The following INPP5F variants were observed in gnomAD, a reference collection of about 807,000 sequenced individuals.
INPP5F encodes inositol polyphosphate-5-phosphatase F.
Under a neutral mutation model 137.2 loss-of-function variants are expected in INPP5F, and 97 were observed. The ratio of observed to expected loss-of-function variants is 0.71; its 90% CI spans 0.60 to 0.84. INPP5F has a LOEUF of 0.84. INPP5F is among the 40% of genes least tolerant of loss of function. The pLI is 0.00. For synonymous variants in INPP5F, 504 were observed against 476.9 expected, an observed-to-expected ratio of 1.06 and a Z score of -0.74; for missense variants, 1,271 against 1,371.9, an observed-to-expected ratio of 0.93 and a Z score of 1.16.
At chr10:119,797,675 A>G (rs1217881104) in intron 8 of INPP5F, 35 bp downstream of exon 8, 5 of 1,508,410 alleles carry the variant, frequency 3.3e-6, no homozygotes, top group Non-Finnish European at 4.5e-6. Flanking sequence ...GCAAATGATG[A>G]TTTCAGAGAG....
chr10:119,767,110 A>G (rs75177670), intron 2 of INPP5F, among the ~76,000 whole-genome samples: 5 of 134,658 alleles, frequency 3.7e-5, no homozygotes, highest in Admixed American at 7.3e-5. Flanking sequence ...GTCTCCAGAA[A>G]AAAAAAAAAA....
rs775019768 is a variant in INPP5F at position 119,807,987 on chromosome 10, G to T, written c.1496G>T (p.Arg499Leu). 1 of 1,613,788 alleles carries T rather than the reference G, an allele frequency of 6.2e-7. No homozygotes were observed. Among genetic ancestry groups the T allele is most frequent in the Non-Finnish European group, 8.5e-7 (1 of 1,179,898 alleles). Residue 499 changes from arginine to leucine, a missense_variant, in exon 13 of 20, where the codon CGC becomes CTC. By Grantham distance (102) the Arg-to-Leu change is moderately radical. Around this residue, in one of 6 missense-constraint regions of INPP5F, gnomAD observed 593 missense variants for 712.4 expected, o/e 0.83. Coordinates refer to ENST00000650623, the MANE Select transcript of INPP5F (RefSeq NM_014937.4). ...PEQPLPVKCNRIYQIMWANNG... is the reference protein window; with the variant it reads ...PEQPLPVKCNLIYQIMWANNG... Reference sequence around the variant, plus strand: ...CAGCCATTACCTGTGAAATGTAATCGCATCTACCAGATAATGTGGGCCAAT... The same window carrying T: ...CAGCCATTACCTGTGAAATGTAATCTCATCTACCAGATAATGTGGGCCAAT...
intron 2 of INPP5F, among the ~76,000 whole-genome samples, chr10:119,780,288 T>C (rs1443957084): frequency 2.0e-5 from 3 of 152,138 alleles, no homozygotes; most frequent in African/African-American, 7.2e-5. Flanking sequence ...ATAATATATT[T>C]TATTGGCTGG....
In INPP5F at chr10:119,828,968, A is replaced by G. The variant is rs1217939790; in HGVS notation, c.*1188A>G. 6.6e-6 allele frequency: 1 copy of G among 152,656 alleles called. No homozygotes were observed. The highest frequency in any genetic ancestry group is 1.5e-5 in the Non-Finnish European group (1 of 68,042). 9.5% of individuals were successfully genotyped at this position (152,656 alleles called of 1,614,324 possible). On this transcript the variant is annotated 3_prime_UTR_variant, in exon 20 of 20. Transcript: ENST00000650623. Reference sequence around the variant, plus strand: ...GAAAGTTGTATGGCATATTCCAACAAGTATTGGTTCGTCTGGTGTCTTTAG... The same window carrying G: ...GAAAGTTGTATGGCATATTCCAACAGGTATTGGTTCGTCTGGTGTCTTTAG...
In INPP5F at chr10:119,819,538, A is replaced by G. The variant is rs1226402396; in HGVS notation, c.1887-1308A>G. 4 of 1,601,090 alleles carry G rather than the reference A, an allele frequency of 2.5e-6. No homozygotes were observed. The Admixed American group carries it at 5.1e-5, about 20-fold the overall frequency. On this transcript the variant is annotated intron_variant, in intron 15 of 19. Transcript: ENST00000650623. ...GCTCAAGCAACAATTTTCAGAGTGC[A>G]CGTAAGTATCAACGCGTAAAACTTA...
rs149195784 is a variant in INPP5F at position 119,771,742 on chromosome 10, C to G, written c.179-9893C>G. On this transcript the variant is annotated intron_variant, in intron 2 of 19. Transcript: ENST00000650623. ...AGTATTACTTTTAACAAAGAGATTT[C>G]TTTTTGACAGTCTGATACAAAGTGA... is the stretch of plus-strand genomic sequence containing the variant. Among the ~76,000 whole-genome samples, 62 of 149,066 alleles carry G rather than the reference C, an allele frequency of 4.2e-4. No individual in the cohort carries two copies. The East Asian group carries it at 0.012, about 28-fold the overall frequency.
At chr10:119,819,252 A>AGGGGG (rs1669331515) in intron 15 of INPP5F, 1 of 44,184 alleles carries the variant, frequency 2.3e-5, no homozygotes, top group Non-Finnish European at 3.5e-5. Flanking sequence ...TTAAAGGGGA[A>AGGGGG]GGGTGGGTGG....
chr10:119,810,525 A>G (rs1481456404), intron 14 of INPP5F, among the ~76,000 whole-genome samples: 1 of 152,192 alleles, frequency 6.6e-6, no homozygotes, highest in Non-Finnish European at 1.5e-5. Context: ...TCAACAATTA[A>G]AAACTTCATA....
At chr10:119,768,951 A>G (rs958985946) in intron 2 of INPP5F, among the ~76,000 whole-genome samples, 1 of 152,232 alleles carries the variant, frequency 6.6e-6, no homozygotes, top group Admixed American at 6.5e-5. Context: ...AGTGCCAAGA[A>G]TGGTAACTGG....
chr10:119,777,048 G>C (rs968930592), intron 2 of INPP5F, among the ~76,000 whole-genome samples: 1 of 151,974 alleles, frequency 6.6e-6, no homozygotes, highest in Admixed American at 6.5e-5. Context: ...ACCGCACCTG[G>C]CCTCAGCTAA....
intron 1 of INPP5F, 92 bp downstream of exon 1, chr10:119,726,451 G>C (rs944271288): frequency 1.6e-6 from 1 of 641,838 alleles, no homozygotes; most frequent in African/African-American, 1.9e-5. Context: ...GGGAGGAGCC[G>C]CCTGCGGGCC....
intron 2 of INPP5F, among the ~76,000 whole-genome samples, chr10:119,770,152 A>G (rs561110621): frequency 5.3e-5 from 8 of 152,080 alleles, no homozygotes; most frequent in Admixed American, 1.3e-4. Context: ...CTTGCTGGGG[A>G]AGTCAGGTTT....
chr10:119,804,166 C>A lies in INPP5F; in HGVS notation c.1117-7C>A. On this transcript the variant is annotated splice_polypyrimidine_tract_variant and splice_region_variant and intron_variant, in intron 9 of 19. Coordinates refer to ENST00000650623, the MANE Select transcript of INPP5F (RefSeq NM_014937.4). ...ACTAAATTTTTTCTGTTTCTTTGCT[C>A]TTATAGGTTATTATTAACTTGGTAG... 6.3e-7 allele frequency: 1 copy of A among 1,596,938 alleles called. No homozygotes were observed. The highest frequency in any genetic ancestry group is 1.8e-5 in the Admixed American group (1 of 56,820).
rs1224645484 is a variant in INPP5F at position 119,726,149 on chromosome 10, G to A, written c.-114G>A. ...GGCGTTCCCTCTGCCGCTGCTTCTC[G>A]GCGCGGTTCCTACCCGGCCGCTCCC... On this transcript the variant is annotated 5_prime_UTR_variant, in exon 1 of 20. Transcript: ENST00000650623. 9 of 534,660 alleles carry A rather than the reference G, an allele frequency of 1.7e-5. No individual in the cohort carries two copies. The highest frequency in any genetic ancestry group is 2.6e-5 in the Non-Finnish European group (9 of 347,402). 33.1% of individuals were successfully genotyped at this position (534,660 alleles called of 1,614,324 possible).
At position 119,796,778 on chromosome 10, in the gene INPP5F, G is replaced by C. The variant is rs768104728; in HGVS notation, c.733G>C (p.Val245Leu). Residue 245 changes from valine (V) to leucine (L), a missense_variant, in exon 7 of 20, where the codon GTG (valine) becomes CTG (leucine). Around this residue, in one of 6 missense-constraint regions of INPP5F, gnomAD observed 593 missense variants for 712.4 expected, o/e 0.83. Coordinates refer to ENST00000650623, the MANE Select transcript of INPP5F (RefSeq NM_014937.4). ...AGGTTTTGTGCAGATTGAAGAACTT[G>C]TGGTTAATTATACCGAATCATCTGA... is the stretch of plus-strand genomic sequence containing the variant. ...IQGFVQIEEL[V>L]VNYTESSDDE... The C allele has an allele frequency of 6.2e-7, 1 of 1,613,752 alleles. No homozygotes were observed. Among genetic ancestry groups the C allele is most frequent in the Non-Finnish European group, 8.5e-7 (1 of 1,179,874 alleles).
chr10:119,744,795 T>C (rs1469577579), intron 1 of INPP5F, among the ~76,000 whole-genome samples: 2 of 152,132 alleles, frequency 1.3e-5, no homozygotes, highest in African/African-American at 4.8e-5. Flanking sequence ...ATCATCCTGC[T>C]TCAGCCTCGT....
At chr10:119,825,070 A>G (rs573973314) in intron 19 of INPP5F, among the ~76,000 whole-genome samples, 1 of 152,202 alleles carries the variant, frequency 6.6e-6, no homozygotes, top group African/African-American at 2.4e-5. Flanking sequence ...TATCTGTAAG[A>G]TGAGAGAAAA....
At chr10:119,807,818 C>G (rs1027706514) in intron 12 of INPP5F, 114 bp from the exon 13 acceptor site, 10 of 984,866 alleles carry the variant, frequency 1.0e-5, no homozygotes, top group African/African-American at 6.6e-5. Flanking sequence ...GACCATTTCT[C>G]TTATTTAAGG....
chr10:119,812,802 TCACA>T (rs1851095563), intron 15 of INPP5F, among the ~76,000 whole-genome samples: 2 of 152,168 alleles, frequency 1.3e-5, no homozygotes, highest in Non-Finnish European at 2.9e-5. Context: ...TGAATTTTCC[TCACA>T]CACAACCTAG....
Sources: gnomAD v4.1 joint callset for allele counts (sites outside exome capture counted in the v4.1 genomes callset) on GRCh38, gnomAD v4.1.1 for gene constraint, gnomAD v4.1.1 regional missense constraint, MANE v1.5 for transcripts, NCBI Gene and HGNC (gene_info 2026-07-23, HGNC 2026-07-21) for gene names.